COL22A1: variants seen among roughly 807,000 people sequenced by gnomAD.
The protein encoded by COL22A1 is collagen alpha-1(XXII) chain.
COL22A1 carries 221 observed loss-of-function variants against 248.9 expected under a neutral mutation model. The ratio of observed to expected loss-of-function variants is 0.89; its 90% CI spans 0.80 to 0.99. The LOEUF is 0.99. Among genes scored for constraint, COL22A1 ranks in the 50% least tolerant of loss-of-function variants. The pLI is 0.00. For missense variants in COL22A1, 2,240 were observed against 2,179.0 expected (o/e 1.03, Z -0.56); for synonymous variants, 891 against 793.4 (o/e 1.12, Z -2.07).
At chr8:138,774,317 A>G (rs1814192608) in intron 16 of COL22A1, among the ~76,000 whole-genome samples, 1 of 152,174 alleles carries the variant, frequency 6.6e-6, no homozygotes. Flanking sequence ...TGCTTTGACC[A>G]GTAATTTCAC....
intron 31 of COL22A1, among the ~76,000 whole-genome samples, chr8:138,701,748 C>G (rs973355198): frequency 2.6e-5 from 4 of 152,208 alleles, no homozygotes; most frequent in African/African-American, 9.7e-5. Flanking sequence ...GAATGAAGTT[C>G]AAGCTGCTAG....
chr8:138,607,613 C>G (rs1168980657), intron 57 of COL22A1, among the ~76,000 whole-genome samples: 1 of 151,500 alleles, frequency 6.6e-6, no homozygotes, highest in Non-Finnish European at 1.5e-5. Flanking sequence ...CTGACCTCAT[C>G]CTCCCATCCT....
chr8:138,892,145 C>T (rs1825113123), intron 1 of COL22A1, among the ~76,000 whole-genome samples: 1 of 152,148 alleles, frequency 6.6e-6, no homozygotes, highest in African/African-American at 2.4e-5. Flanking sequence ...ATGCTGGTCT[C>T]ATAGAATGAG....
chr8:138,589,904 G>A (rs1816894135), intron 64 of COL22A1, among the ~76,000 whole-genome samples: 1 of 151,718 alleles, frequency 6.6e-6, no homozygotes, highest in South Asian at 2.1e-4. Context: ...CATCCAACTT[G>A]TTCCAAATCT....
intron 32 of COL22A1, among the ~76,000 whole-genome samples, chr8:138,697,940 T>C (rs1448172603): frequency 6.6e-6 from 1 of 152,250 alleles, no homozygotes; most frequent in Non-Finnish European, 1.5e-5. Context: ...GAGAGTGGCT[T>C]CCTGGCTCCC....
chr8:138,634,898 G>C, intron 49 of COL22A1, 112 bp downstream of exon 49: 1 of 789,690 alleles, frequency 1.3e-6, no homozygotes. Flanking sequence ...TTGGGTGTTG[G>C]GCCATCCCTT....
At chr8:138,795,307 T>G (rs1816411222) in intron 12 of COL22A1, among the ~76,000 whole-genome samples, 2 of 152,174 alleles carry the variant, frequency 1.3e-5, no homozygotes, top group African/African-American at 4.8e-5. Flanking sequence ...TGCTGTGTGT[T>G]GTGCTACACC....
At chr8:138,752,085 T>C (rs930535418) in intron 21 of COL22A1, among the ~76,000 whole-genome samples, 1 of 152,236 alleles carries the variant, frequency 6.6e-6, no homozygotes, top group African/African-American at 2.4e-5. Context: ...GCAAGTCACT[T>C]GGTGCCGTTA....
intron 1 of COL22A1, among the ~76,000 whole-genome samples, chr8:138,905,622 G>A (rs745525946): frequency 1.3e-5 from 2 of 152,124 alleles, no homozygotes; most frequent in African/African-American, 2.4e-5. Flanking sequence ...TGAGAGTGAG[G>A]CCCCTCCCTC....
chr8:138,774,568 G>A (rs971364489), intron 16 of COL22A1, among the ~76,000 whole-genome samples: 11 of 151,910 alleles, frequency 7.2e-5, no homozygotes, highest in African/African-American at 1.9e-4. Context: ...ACAGGCGCCC[G>A]CCACCAAGCC....
chr8:138,848,467 T>C (rs74542712), intron 3 of COL22A1, among the ~76,000 whole-genome samples: 2,839 of 152,226 alleles, frequency 0.019, 97 homozygotes, highest in African/African-American at 0.065. Flanking sequence ...GTTTACCAAA[T>C]GGCAAAAGGG....
Position 138,755,138 on chromosome 8 carries a change from C to A in COL22A1, c.2031+19G>T, listed in dbSNP as rs760526158. 6.2e-7 allele frequency: 1 copy of A among 1,613,728 alleles called. No individual in the cohort carries two copies. The highest frequency in any genetic ancestry group is 1.1e-5 in the South Asian group (1 of 91,044). ...AGAAGCGTGCAGAGCAAACCCTGCG[C>A]AGGAGAGGGACAACTTACCCGAGCT... On this transcript the variant is annotated intron_variant, in intron 21 of 64. Transcript: ENST00000303045.
chr8:138,730,764 C>T (rs1048052563), intron 23 of COL22A1, among the ~76,000 whole-genome samples: 1 of 151,870 alleles, frequency 6.6e-6, no homozygotes, highest in African/African-American at 2.4e-5. Context: ...AAATCAGGAG[C>T]ATCTCGAAAA....
At chr8:138,700,967 C>T (rs572558326) in intron 31 of COL22A1, among the ~76,000 whole-genome samples, 5 of 123,230 alleles carry the variant, frequency 4.1e-5, no homozygotes, top group East Asian at 2.5e-4. Context: ...CCAGCCTGGG[C>T]GACACAGCGA....
chr8:138,683,612 C>G (rs968692563), intron 39 of COL22A1, among the ~76,000 whole-genome samples: 1 of 152,184 alleles, frequency 6.6e-6, no homozygotes, highest in African/African-American at 2.4e-5. Flanking sequence ...GTTCTCCACT[C>G]TCTTTTCCTT....
chr8:138,673,013 T>A (rs1418957853), intron 41 of COL22A1, among the ~76,000 whole-genome samples: 4 of 152,178 alleles, frequency 2.6e-5, no homozygotes, highest in Non-Finnish European at 5.9e-5. Context: ...TTTGTTTGTT[T>A]GTTAATATCT....
chr8:138,688,676 A>C (rs1261427975), intron 37 of COL22A1, among the ~76,000 whole-genome samples: 6 of 152,114 alleles, frequency 3.9e-5, no homozygotes, highest in Non-Finnish European at 7.4e-5. Flanking sequence ...AGAGCAAACT[A>C]ATTAACTTCT....
intron 12 of COL22A1, among the ~76,000 whole-genome samples, chr8:138,782,836 A>G (rs148920958): frequency 6.6e-6 from 1 of 152,188 alleles, no homozygotes; most frequent in East Asian, 1.9e-4. Flanking sequence ...GGATCAATGG[A>G]AGCACCCCAC....
At chr8:138,909,915 G>C (rs1815324557) in intron 1 of COL22A1, among the ~76,000 whole-genome samples, 1 of 152,164 alleles carries the variant, frequency 6.6e-6, no homozygotes, top group Non-Finnish European at 1.5e-5. Flanking sequence ...CTCTGACCCA[G>C]AAATCCCACT....
Sources: gnomAD v4.1 joint callset for allele counts (sites outside exome capture counted in the v4.1 genomes callset) on GRCh38, gnomAD v4.1.1 for gene constraint, MANE v1.5 for transcripts, NCBI Gene and HGNC (gene_info 2026-07-23, HGNC 2026-07-21) for gene names.